The following DOCK8 variants were observed in gnomAD, a reference collection of about 807,000 sequenced individuals.
The protein encoded by DOCK8 is dedicator of cytokinesis protein 8.
DOCK8 carries 141 observed loss-of-function variants against 245.6 expected under a neutral mutation model. The observed-to-expected ratio is 0.57, with a 90% CI of 0.50 to 0.66. The LOEUF (loss-of-function observed/expected upper bound fraction) is 0.66. Ranked by LOEUF, DOCK8 falls within the 30% of genes least tolerant of loss-of-function variation. The pLI, the probability that DOCK8 is intolerant of heterozygous loss-of-function variation, is 0.00. For synonymous variants in DOCK8, 1,168 were observed against 970.2 expected (o/e 1.20, Z -3.79); for missense variants, 2,965 against 2,603.4 (o/e 1.14, Z -3.02).
intron 6 of DOCK8, chr9:312,726 A>G (rs1395978531): frequency 1.5e-5 from 5 of 337,174 alleles, no homozygotes; most frequent in Admixed American, 4.5e-5. Context: ...CAACAATAGG[A>G]TAATGTAGAC....
chr9:252,734 G>T lies in DOCK8; in HGVS notation c.54-18893G>T, dbSNP rs189279944. ...CAGGAGAATTGCTTGAACCCGGGAG[G>T]TCGCAGTGAGCCGAGATCACACCAC... is the stretch of plus-strand genomic sequence containing the variant. On this transcript the variant is annotated intron_variant, in intron 1 of 47. Transcript: ENST00000432829. Among the ~76,000 whole-genome samples the T allele has an allele frequency of 6.0e-3, 897 of 150,568 alleles. 8 individuals are homozygous for T. Among genetic ancestry groups the T allele is most frequent in the African/African-American group, 0.02 (820 of 40,930 alleles).
intron 34 of DOCK8, among the ~76,000 whole-genome samples, chr9:427,984 G>C (rs2056561809): frequency 6.6e-6 from 1 of 152,142 alleles, no homozygotes; most frequent in Non-Finnish European, 1.5e-5. Flanking sequence ...TAGAAACATT[G>C]CTGCCACCAA....
intron 1 of DOCK8, among the ~76,000 whole-genome samples, chr9:246,355 C>T (rs530536969): frequency 4.5e-4 from 68 of 152,078 alleles, no homozygotes; most frequent in African/African-American, 1.5e-3. Flanking sequence ...CCCATCTCTA[C>T]AAAAAAATTA....
At chr9:220,300 CCTT>C (rs1430993884) in intron 1 of DOCK8, among the ~76,000 whole-genome samples, 3 of 152,176 alleles carry the variant, frequency 2.0e-5, no homozygotes, top group South Asian at 2.1e-4. Flanking sequence ...GCTGAAATAA[CCTT>C]CTACCAGGGT....
At chr9:343,407 G>T (rs1041724836) in intron 14 of DOCK8, among the ~76,000 whole-genome samples, 2 of 151,896 alleles carry the variant, frequency 1.3e-5, no homozygotes, top group African/African-American at 4.8e-5. Context: ...TGAGGCAGAG[G>T]ATTCTTGAGC....
At chr9:305,321 C>G (rs567400819) in intron 5 of DOCK8, among the ~76,000 whole-genome samples, 1 of 151,052 alleles carries the variant, frequency 6.6e-6, no homozygotes, top group African/African-American at 2.4e-5. Context: ...CTCGCTCTGT[C>G]GCCCAGGCTG....
intron 46 of DOCK8, among the ~76,000 whole-genome samples, chr9:454,769 G>A (rs1370814722): frequency 3.9e-5 from 6 of 152,024 alleles, no homozygotes; most frequent in South Asian, 2.1e-4. Context: ...AGTATCTCAC[G>A]GGTATGATCC....
intron 24 of DOCK8, among the ~76,000 whole-genome samples, chr9:395,176 A>G (rs916859269): frequency 1.3e-5 from 2 of 152,112 alleles, no homozygotes; most frequent in African/African-American, 4.8e-5. Context: ...TGGGATATGA[A>G]GCCATCTCTG....
At chr9:449,649 G>C (rs1358393391) in intron 44 of DOCK8, 135 bp from the exon 45 acceptor site, 6 of 1,082,342 alleles carry the variant, frequency 5.5e-6, no homozygotes, top group African/African-American at 1.6e-5. Flanking sequence ...CCTGTTAAGA[G>C]TATTTTAAAT....
At chr9:276,648 T>A (rs965609657) in intron 2 of DOCK8, among the ~76,000 whole-genome samples, 3 of 152,172 alleles carry the variant, frequency 2.0e-5, no homozygotes, top group African/African-American at 7.2e-5. Flanking sequence ...TAAATAACCC[T>A]GTGTGTAGAC....
chr9:236,117 C>T (rs1040576505), intron 1 of DOCK8, among the ~76,000 whole-genome samples: 2 of 152,126 alleles, frequency 1.3e-5, no homozygotes, highest in Admixed American at 6.5e-5. Flanking sequence ...TGTCATGGCC[C>T]CCAAGGTACC....
intron 1 of DOCK8, chr9:215,490 C>CT: frequency 6.8e-7 from 1 of 1,460,642 alleles, no homozygotes; most frequent in Non-Finnish European, 9.0e-7. Context: ...TGCAAGCCTT[C>CT]TGTCGTCCTG....
chr9:276,723 T>C (rs1258623034), intron 2 of DOCK8, among the ~76,000 whole-genome samples: 2 of 152,230 alleles, frequency 1.3e-5, no homozygotes, highest in African/African-American at 4.8e-5. Flanking sequence ...AGAGACCCTC[T>C]GGTGCCAGCC....
intron 26 of DOCK8, among the ~76,000 whole-genome samples, chr9:399,784 T>C (rs987472949): frequency 6.6e-6 from 1 of 151,956 alleles, no homozygotes; most frequent in African/African-American, 2.4e-5. Context: ...CCCCCCAGAT[T>C]TTTAAATGGA....
At chr9:214,551 G>A (rs2046686513), upstream of DOCK8, 2 of 1,613,524 alleles carry the variant, frequency 1.2e-6, no homozygotes, top group Non-Finnish European at 1.7e-6. Context: ...CAGCTTTGTG[G>A]GGCTCCCCCG....
intron 1 of DOCK8, among the ~76,000 whole-genome samples, chr9:271,326 G>T (rs1046769532): frequency 2.0e-5 from 3 of 152,162 alleles, no homozygotes; most frequent in African/African-American, 4.8e-5. Flanking sequence ...TGGGGGAGAA[G>T]GAGTCAAATG....
intron 1 of DOCK8, among the ~76,000 whole-genome samples, chr9:270,722 A>G (rs2048141451): frequency 6.6e-6 from 1 of 152,204 alleles, no homozygotes; most frequent in Non-Finnish European, 1.5e-5. Context: ...AGCATGTTTA[A>G]AATATGTGAC....
chr9:450,115 A>G (rs2057381286), intron 45 of DOCK8, among the ~76,000 whole-genome samples, 188 bp downstream of exon 45: 1 of 152,314 alleles, frequency 6.6e-6, no homozygotes, highest in Middle Eastern at 3.4e-3. Flanking sequence ...CCTTTCATGT[A>G]ACAACCCCAG....
chr9:440,989 C>T (rs1183137643), intron 40 of DOCK8, among the ~76,000 whole-genome samples: 1 of 152,204 alleles, frequency 6.6e-6, no homozygotes, highest in African/African-American at 2.4e-5. Flanking sequence ...CTGCCTCAGC[C>T]TCCCAAAGTG....
Sources: allele counts gnomAD v4.1 joint callset (sites outside exome capture counted in the v4.1 genomes callset), GRCh38; gene constraint gnomAD v4.1.1; transcripts MANE v1.5; gene names NCBI Gene and HGNC (gene_info 2026-07-23, HGNC 2026-07-21).